The following COL26A1 variants were observed in gnomAD, a reference collection of about 807,000 sequenced individuals.
COL26A1 encodes the protein collagen alpha-1(XXVI) chain.
Under a neutral mutation model 59.3 loss-of-function variants are expected in COL26A1, and 41 were observed. The ratio of observed to expected loss-of-function variants is 0.69; its 90% confidence interval spans 0.54 to 0.90. The LOEUF (loss-of-function observed/expected upper bound fraction) is 0.90, where lower values mean the gene tolerates loss of function less well. COL26A1 is among the 40% of genes least tolerant of loss of function. The pLI, the probability that COL26A1 is intolerant of heterozygous loss-of-function variation, is 0.00. For missense variants in COL26A1, 612 were observed against 602.3 expected (o/e 1.02, Z -0.17); for synonymous variants, 266 against 256.0 (o/e 1.04, Z -0.37).
At chr7:101,488,349 A>AATATATAT (rs368433793) in intron 3 of COL26A1, among the ~76,000 whole-genome samples, 163 of 104,946 alleles carry the variant, frequency 1.6e-3, no homozygotes, top group South Asian at 3.7e-3. Context: ...AATTTTATTT[A>AATATATAT]ATATATATAT....
At chr7:101,513,529 G>A (rs1794969216) in intron 3 of COL26A1, among the ~76,000 whole-genome samples, 1 of 151,514 alleles carries the variant, frequency 6.6e-6, no homozygotes. Context: ...TTTTTTAGTA[G>A]AGATGGGGTT....
chr7:101,537,603 G>T (rs1795507390), intron 4 of COL26A1, among the ~76,000 whole-genome samples: 1 of 152,192 alleles, frequency 6.6e-6, no homozygotes, highest in Non-Finnish European at 1.5e-5. Flanking sequence ...CTCTGCCCAG[G>T]TCTGCAGGCT....
chr7:101,375,350 A>G (rs1791289581), intron 1 of COL26A1, among the ~76,000 whole-genome samples: 1 of 152,090 alleles, frequency 6.6e-6, no homozygotes, highest in African/African-American at 2.4e-5. Context: ...CAGATGGTGT[A>G]GTGTGCTGAT....
intron 2 of COL26A1, among the ~76,000 whole-genome samples, chr7:101,443,463 A>G (rs562689531): frequency 1.3e-5 from 2 of 152,204 alleles, no homozygotes; most frequent in Non-Finnish European, 2.9e-5. Flanking sequence ...TTTTCCTGTC[A>G]ACAGTGCGTC....
In COL26A1 at chr7:101,414,773, G is replaced by A. The variant is rs1379304392; in HGVS notation, c.159-5204G>A. 3.3e-5 allele frequency among the ~76,000 whole-genome samples: 5 copies of A among 152,124 alleles called. No individual in the cohort carries two copies. The East Asian group carries it at 9.7e-4, about 29-fold the overall frequency. On this transcript the variant is annotated intron_variant, in intron 1 of 12. Transcript: ENST00000313669. ...TTGGAAACACACACTGAGTGCTTGA[G>A]CTGGAGCTGAGGCTTTCCAGTAGAA... is the stretch of plus-strand genomic sequence containing the variant.
intron 1 of COL26A1, among the ~76,000 whole-genome samples, chr7:101,388,213 C>G (rs1791638831): frequency 6.6e-6 from 1 of 151,906 alleles, no homozygotes; most frequent in Non-Finnish European, 1.5e-5. Context: ...TGGCTCACGC[C>G]TGTAATCCCA....
chr7:101,473,256 T>C (rs1395828050), intron 3 of COL26A1, among the ~76,000 whole-genome samples: 1 of 151,098 alleles, frequency 6.6e-6, no homozygotes, highest in Non-Finnish European at 1.5e-5. Context: ...ATTTTTTGTA[T>C]TTTTAGTAGA....
At chr7:101,413,217 T>C (rs544897487) in intron 1 of COL26A1, among the ~76,000 whole-genome samples, 1 of 152,122 alleles carries the variant, frequency 6.6e-6, no homozygotes, top group African/African-American at 2.4e-5. Flanking sequence ...GGCCGCCTCT[T>C]GCAAGAAAAA....
chr7:101,516,239 T>G (rs2130598112), intron 3 of COL26A1, among the ~76,000 whole-genome samples: 1 of 152,208 alleles, frequency 6.6e-6, no homozygotes, highest in South Asian at 2.1e-4. Context: ...TATGGGAGAT[T>G]TGCTTTTTTG....
At chr7:101,413,422 T>G (rs6943356) in intron 1 of COL26A1, among the ~76,000 whole-genome samples, 26,767 of 151,752 alleles carry the variant, frequency 0.18, 2,809 homozygotes, top group Non-Finnish European at 0.24. Flanking sequence ...GGGAGGCTGA[T>G]ATAGGAAAAT....
chr7:101,391,152 CA>C (rs1315991548), intron 1 of COL26A1, among the ~76,000 whole-genome samples: 2 of 152,158 alleles, frequency 1.3e-5, no homozygotes, highest in Non-Finnish European at 2.9e-5. Context: ...CAAAGAAAAA[CA>C]TGGCCTGTTT....
chr7:101,453,669 G>T (rs1793399131), intron 3 of COL26A1, among the ~76,000 whole-genome samples: 1 of 152,220 alleles, frequency 6.6e-6, no homozygotes, highest in Non-Finnish European at 1.5e-5. Flanking sequence ...GGAGTGGGGA[G>T]TTGGCAGCTG....
chr7:101,520,662 A>ACACACACACACACACACACACCCC (rs915256077), intron 3 of COL26A1, among the ~76,000 whole-genome samples: 6 of 143,240 alleles, frequency 4.2e-5, no homozygotes, highest in African/African-American at 1.6e-4. Context: ...ACACACACAC[A>ACACACACACACACACACACACCCC]CCCCCGTGTT....
At chr7:101,468,054 G>C (rs1793807421) in intron 3 of COL26A1, among the ~76,000 whole-genome samples, 2 of 151,980 alleles carry the variant, frequency 1.3e-5, no homozygotes, top group Non-Finnish European at 2.9e-5. Flanking sequence ...TGTAATCCCA[G>C]CACTTTGGGA....
At chr7:101,472,065 T>C (rs1300403203) in intron 3 of COL26A1, among the ~76,000 whole-genome samples, 2 of 151,938 alleles carry the variant, frequency 1.3e-5, no homozygotes, top group Non-Finnish European at 2.9e-5. Flanking sequence ...AGTGCAGTGG[T>C]ATAAACATGG....
At chr7:101,543,883 C>T (rs530573201) in intron 5 of COL26A1, 115 bp from the exon 6 acceptor site, 9 of 665,788 alleles carry the variant, frequency 1.4e-5, no homozygotes, top group Non-Finnish European at 1.5e-5. Flanking sequence ...TAGGGAGTCC[C>T]AGGTAGGCAG....
intron 3 of COL26A1, among the ~76,000 whole-genome samples, chr7:101,526,962 C>T (rs1406589966): frequency 1.3e-5 from 2 of 152,046 alleles, no homozygotes; most frequent in East Asian, 3.9e-4. Flanking sequence ...GCACAATCAA[C>T]TCTCTCTCTC....
chr7:101,455,281 C>A (rs953400635), intron 3 of COL26A1, among the ~76,000 whole-genome samples: 9 of 151,728 alleles, frequency 5.9e-5, no homozygotes, highest in African/African-American at 2.2e-4. Context: ...TGGGCTCAAG[C>A]AATCCACCTG....
chr7:101,402,684 C>G (rs1268423585), intron 1 of COL26A1, among the ~76,000 whole-genome samples: 4 of 124,324 alleles, frequency 3.2e-5, no homozygotes, highest in African/African-American at 1.2e-4. Context: ...CCTTCCCTCC[C>G]TCCTTTCACT....
Sources: allele counts gnomAD v4.1 joint callset (sites outside exome capture counted in the v4.1 genomes callset), GRCh38; gene constraint gnomAD v4.1.1; transcripts MANE v1.5; gene names NCBI Gene and HGNC (gene_info 2026-07-23, HGNC 2026-07-21).